KRT84: variants seen among roughly 807,000 people sequenced by gnomAD.
KRT84 encodes keratin 84.
In KRT84, 38 loss-of-function variants were observed where a neutral mutation model predicts 49.0. The observed-to-expected ratio is 0.78, with a 90% confidence interval of 0.60 to 1.02. KRT84 has a LOEUF of 1.02. KRT84 is among the 50% of genes least tolerant of loss of function. KRT84 has a pLI of 0.00. For missense variants in KRT84, 860 were observed against 788.6 expected (o/e 1.09, Z -1.08); for synonymous variants, 334 against 312.8 (o/e 1.07, Z -0.72).
At chr12:52,383,488 A>T in intron 2 of KRT84, 102 bp downstream of exon 2, 1 of 838,154 alleles carries the variant, frequency 1.2e-6, no homozygotes, top group Non-Finnish European at 1.8e-6. Flanking sequence ...GGTAACCAGC[A>T]TTCAACCCTG....
chr12:52,382,539 A>G lies in KRT84; in HGVS notation c.817-7T>C, dbSNP rs772441301. On this transcript the variant is annotated splice_polypyrimidine_tract_variant and splice_region_variant and intron_variant, in intron 3 of 8. Coordinates refer to ENST00000257951, the MANE Select transcript of KRT84 (RefSeq NM_033045.4). ...TGAAAGCTGCATCCACATCCTGTATAAAACAGAGAAGGATAAATACTCATC... is the reference window on the plus strand; with the variant it reads ...TGAAAGCTGCATCCACATCCTGTATGAAACAGAGAAGGATAAATACTCATC... 1.2e-6 allele frequency: 2 copies of G among 1,607,338 alleles called. No homozygotes were observed. Among genetic ancestry groups the G allele is most frequent in the Non-Finnish European group, 1.7e-6 (2 of 1,173,790 alleles).
intron 1 of KRT84, 103 bp downstream of exon 1, chr12:52,384,937 G>A (rs1939546782): frequency 1.6e-6 from 2 of 1,228,976 alleles, no homozygotes; most frequent in Admixed American, 2.2e-5. Flanking sequence ...TGAGGTCAAG[G>A]TCAAGTCCCC....
chr12:52,383,724 C>G lies in KRT84; in HGVS notation c.621G>C (p.Arg207Ser), dbSNP rs753472733. 2 of 1,614,132 alleles carry G rather than the reference C, an allele frequency of 1.2e-6. No homozygotes were observed. The highest frequency in any genetic ancestry group is 2.2e-5 in the East Asian group (1 of 44,890). ...WSFLQEQKCIRSNLEPLFESY... is the reference protein window; with the variant it reads ...WSFLQEQKCISSNLEPLFESY... ...TCTCGAAGAGTGGCTCCAGATTGCT[C>G]CTGATACATTTCTGCTCTTGGAGGA... The change falls in exon 2 of 9, where the codon AGG (arginine) becomes AGC (serine). Residue 207 changes from arginine to serine, a missense_variant. Arg to Ser is a moderately radical substitution (Grantham distance 110, BLOSUM62 -1). Coordinates refer to ENST00000257951, the MANE Select transcript of KRT84 (RefSeq NM_033045.4).
intron 1 of KRT84, among the ~76,000 whole-genome samples, chr12:52,384,454 C>T (rs545297378): frequency 3.9e-5 from 6 of 152,322 alleles, no homozygotes; most frequent in Admixed American, 6.5e-5. Context: ...GCCTGGAAGC[C>T]AGTGACTACC....
At chr12:52,386,844 C>T (rs939879361), upstream of KRT84, among the ~76,000 whole-genome samples, 4 of 152,138 alleles carry the variant, frequency 2.6e-5, no homozygotes, top group African/African-American at 9.7e-5. Context: ...CTAGTGCATC[C>T]TTTGCCCAGG....
In KRT84 at chr12:52,382,417, T is replaced by C. The variant is rs1186867062; in HGVS notation, c.912+20A>G. Reference sequence around the variant, plus strand: ...CAAGCATTGATCTCCTTGGGTGCCCTAGAGAAGATGAACCCTCACCTCCAT... The same window carrying C: ...CAAGCATTGATCTCCTTGGGTGCCCCAGAGAAGATGAACCCTCACCTCCAT... On this transcript the variant is annotated intron_variant, in intron 4 of 8. Coordinates refer to ENST00000257951, the MANE Select transcript of KRT84 (RefSeq NM_033045.4). The C allele has an allele frequency of 1.9e-6, 3 of 1,558,906 alleles. No homozygotes were observed. Among genetic ancestry groups the C allele is most frequent in the African/African-American group, 1.4e-5 (1 of 73,830 alleles).
rs147729749 is a variant in KRT84 at position 52,381,160 on chromosome 12, G to A, written c.1123C>T (p.Arg375Cys). The change falls in exon 6 of 9, where the codon CGC (arginine) becomes TGC (cysteine). Residue 375 changes from arginine (R) to cysteine (C), a missense_variant. Transcript: ENST00000257951. ...VTAGQHCDNL[R>C]NIRNEINELT... ...TCGTTGATCTCGTTCCGTATGTTGCGCAGGTTGTCACAGTGTTGGCCAGCT... is the reference window on the plus strand; with the variant it reads ...TCGTTGATCTCGTTCCGTATGTTGCACAGGTTGTCACAGTGTTGGCCAGCT... 9 of 1,613,974 alleles carry A rather than the reference G, an allele frequency of 5.6e-6. No individual in the cohort carries two copies. The highest frequency in any genetic ancestry group is 1.6e-4 in the Middle Eastern group (1 of 6,084).
chr12:52,382,362 G>A, intron 4 of KRT84, 75 bp downstream of exon 4: 1 of 976,024 alleles, frequency 1.0e-6, no homozygotes, highest in Non-Finnish European at 1.7e-6. Context: ...AAATATGCTA[G>A]CCCAGGCTAA....
chr12:52,383,315 T>C lies in KRT84; in HGVS notation c.756-250A>G, dbSNP rs116562263. ...GGGATCTGAAAACCTGGTCTATTGC[T>C]ATGTTCCTCTGACAGAAATAATGTA... On this transcript the variant is annotated intron_variant, in intron 2 of 8. Coordinates refer to ENST00000257951, the MANE Select transcript of KRT84 (RefSeq NM_033045.4). Among the ~76,000 whole-genome samples the C allele has an allele frequency of 1.7e-3, 254 of 152,320 alleles. 1 individual carries two copies. The highest frequency in any genetic ancestry group is 5.9e-3 in the African/African-American group (244 of 41,584).
chr12:52,380,636 G>C, intron 6 of KRT84, 53 bp from the exon 7 acceptor site: 1 of 1,509,074 alleles, frequency 6.6e-7, no homozygotes, highest in Non-Finnish European at 8.9e-7. Context: ...GGCATCCCCA[G>C]GTTGGGTTAG....
Position 52,380,478 on chromosome 12 carries a change from C to T in KRT84, c.1309G>A (p.Ala437Thr), listed in dbSNP as rs1247553606. 1 of 1,614,148 alleles carries T rather than the reference C, an allele frequency of 6.2e-7. No individual in the cohort carries two copies. Among genetic ancestry groups the T allele is most frequent in the Non-Finnish European group, 8.5e-7 (1 of 1,179,946 alleles). The change falls in exon 7 of 9, where the codon GCC (alanine) becomes ACC (threonine). Residue 437 changes from alanine (A) to threonine (T), a missense_variant. Transcript: ENST00000257951. ...AGCTGCCGCGCCATGTCCTGCTTGG[C>T]CTGCTGCAGGGCACACTCCAGATCT... ...LADLECALQQ[A>T]KQDMARQLCE...
chr12:52,383,634 A>G lies in KRT84; in HGVS notation c.711T>C (p.Ala237=), dbSNP rs1470738145. 1 of 1,613,858 alleles carries G rather than the reference A, an allele frequency of 6.2e-7. No homozygotes were observed. The highest frequency in any genetic ancestry group is 8.5e-7 in the Non-Finnish European group (1 of 1,180,026). ...GGACATCCTGCAGGTGGTTCCTCTC[A>G]GCCTGGAGCCGGGCCTGATCACTGA... The part of the protein sequence containing the change: ...VLVSDQARLQ[A]ERNHLQDVLE... Residue 237 remains alanine (A), a synonymous_variant, in exon 2 of 9, where the codon GCT becomes GCC. Coordinates refer to ENST00000257951, the MANE Select transcript of KRT84 (RefSeq NM_033045.4).
At position 52,383,769 on chromosome 12, in the gene KRT84, G is replaced by A. The variant is rs1939528003; in HGVS notation, c.576C>T (p.Leu192=). The A allele has an allele frequency of 6.2e-6, 10 of 1,613,596 alleles. No individual in the cohort carries two copies. The highest frequency in any genetic ancestry group is 8.5e-6 in the Non-Finnish European group (10 of 1,179,686). The change falls in exon 2 of 9, where the codon CTC becomes CTT. Residue 192 remains leucine (L), a synonymous_variant. Transcript: ENST00000257951. ...KVRFLEQQNK[L]LETKWSFLQE... ...GGAGGAAGCTCCACTTGGTCTCTAG[G>A]AGCTTATTCTGCTGCTCTAGGAACC...
intron 6 of KRT84, 71 bp downstream of exon 6, chr12:52,381,009 C>G: frequency 1.9e-6 from 3 of 1,580,320 alleles, no homozygotes; most frequent in Non-Finnish European, 2.6e-6. Context: ...CCTCATTAGA[C>G]TTGGGGGTTC....
chr12:52,384,461 T>G (rs1939539751), intron 1 of KRT84, among the ~76,000 whole-genome samples: 1 of 152,224 alleles, frequency 6.6e-6, no homozygotes, highest in African/African-American at 2.4e-5. Flanking sequence ...AGCCAGTGAC[T>G]ACCAGTGGTC....
At chr12:52,384,083 A>G (rs1489093416) in intron 1 of KRT84, among the ~76,000 whole-genome samples, 3 of 152,220 alleles carry the variant, frequency 2.0e-5, no homozygotes, top group Non-Finnish European at 4.4e-5. Flanking sequence ...TACATCAGGA[A>G]GTTGGAAGGG....
Position 52,385,222 on chromosome 12 carries a change from A to G in KRT84, c.364T>C (p.Phe122Leu), listed in dbSNP as rs144471272. Reference sequence around the variant, plus strand: ...CCAACCCCTCCAACTCTGTAACCAAAGCCAGGGCCACCAAAGCCATAGCCA... The same window carrying G: ...CCAACCCCTCCAACTCTGTAACCAAGGCCAGGGCCACCAAAGCCATAGCCA... ...GIGYGFGGPG[F>L]GYRVGGVGVP... The change falls in exon 1 of 9, where the codon TTT becomes CTT. Residue 122 changes from phenylalanine (F) to leucine (L), a missense_variant. Coordinates refer to ENST00000257951, the MANE Select transcript of KRT84 (RefSeq NM_033045.4). The G allele has an allele frequency of 6.2e-7, 1 of 1,613,704 alleles. No individual in the cohort carries two copies. Among genetic ancestry groups the G allele is most frequent in the African/African-American group, 1.3e-5 (1 of 74,986 alleles).
Position 52,378,372 on chromosome 12 carries a change from TGCTGACG to T in KRT84, c.1458_1464del (p.Val487AlafsTer59). The T allele has an allele frequency of 6.9e-7, 1 of 1,455,382 alleles. No individual in the cohort carries two copies. Among genetic ancestry groups the T allele is most frequent in the Non-Finnish European group, 9.0e-7 (1 of 1,107,208 alleles). The allele number at this position is 1,455,382 out of a possible 1,614,324, so 90.2% of individuals were successfully genotyped here. A position where few individuals can be genotyped will look rare whatever the true frequency, so the allele number is the denominator to read the frequency against. Reference sequence around the variant, plus strand: ...CCGCACACCAGGCCGCCCCGGGAGCTGCTGACGGCTGCGGAGAAAGAAAGCATCAGGG... The same window carrying T: ...CCGCACACCAGGCCGCCCCGGGAGCTGCTGCGGAGAAAGAAAGCATCAGGG... On this transcript the variant is annotated frameshift_variant and splice_region_variant, in exon 9 of 9. Coordinates refer to ENST00000257951, the MANE Select transcript of KRT84 (RefSeq NM_033045.4). LOFTEE classifies it low-confidence loss of function (END_TRUNC).
At chr12:52,384,951 A>C (rs1440903201) in intron 1 of KRT84, 89 bp downstream of exon 1, 1 of 1,352,794 alleles carries the variant, frequency 7.4e-7, no homozygotes, top group Admixed American at 2.2e-5. Flanking sequence ...AGTCCCCAGA[A>C]CCGGGCCAGT....
Sources: allele counts gnomAD v4.1 joint callset (sites outside exome capture counted in the v4.1 genomes callset), GRCh38; gene constraint gnomAD v4.1.1; transcripts MANE v1.5; gene names NCBI Gene and HGNC (gene_info 2026-07-23, HGNC 2026-07-21).